ST8SIA6: variants seen among roughly 807,000 people sequenced by gnomAD.
ST8SIA6 encodes the protein alpha-2,8-sialyltransferase 8F.
A neutral mutation model predicts 33.6 loss-of-function variants in ST8SIA6; 39 were observed. That is an observed-to-expected ratio of 1.16 (90% CI 0.90 to 1.52). The LOEUF (loss-of-function observed/expected upper bound fraction) is 1.52, where lower values mean the gene tolerates loss of function less well. ST8SIA6 is among the 40% of genes most tolerant of loss of function. The probability of loss-of-function intolerance (pLI) is 0.00; values close to 1 mark genes in which losing one functional copy is unlikely to be tolerated. For synonymous variants in ST8SIA6, 172 were observed against 167.2 expected, an observed-to-expected ratio of 1.03 and a Z score of -0.22; for missense variants, 441 against 443.8, an observed-to-expected ratio of 0.99 and a Z score of 0.06.
intron 2 of ST8SIA6, among the ~76,000 whole-genome samples, chr10:17,394,266 C>G (rs909726317): frequency 6.6e-6 from 1 of 150,802 alleles, no homozygotes; most frequent in Admixed American, 6.6e-5. Context: ...TCTTGGGGAC[C>G]AAACAGGGTC....
intron 3 of ST8SIA6, among the ~76,000 whole-genome samples, chr10:17,375,533 GAA>G (rs1849885057): frequency 6.6e-6 from 1 of 152,164 alleles, no homozygotes; most frequent in Admixed American, 6.5e-5. Flanking sequence ...ACCCCATGAG[GAA>G]CATATCTTTC....
At chr10:17,429,339 T>C (rs868604053) in intron 2 of ST8SIA6, among the ~76,000 whole-genome samples, 2 of 152,036 alleles carry the variant, frequency 1.3e-5, no homozygotes, top group Non-Finnish European at 2.9e-5. Flanking sequence ...CGAGGCAGGG[T>C]GTCACTCTGT....
At chr10:17,385,845 C>T (rs117516042) in intron 3 of ST8SIA6, among the ~76,000 whole-genome samples, 3,261 of 152,186 alleles carry the variant, frequency 0.021, 52 homozygotes, top group Admixed American at 0.04. Flanking sequence ...GGCTGTGTCA[C>T]GGGCGCATTC....
At chr10:17,443,610 T>G (rs966696373) in intron 2 of ST8SIA6, among the ~76,000 whole-genome samples, 2 of 152,260 alleles carry the variant, frequency 1.3e-5, no homozygotes, top group Non-Finnish European at 2.9e-5. Flanking sequence ...CCAGAATTAA[T>G]GACTGATTAT....
chr10:17,388,586 G>C (rs191427939), intron 3 of ST8SIA6, among the ~76,000 whole-genome samples: 1 of 152,300 alleles, frequency 6.6e-6, no homozygotes, highest in East Asian at 1.9e-4. Context: ...CGCTCACTGG[G>C]TCTTCCTTGT....
chr10:17,416,432 A>G (rs182857294), intron 2 of ST8SIA6, among the ~76,000 whole-genome samples: 30 of 152,332 alleles, frequency 2.0e-4, no homozygotes, highest in African/African-American at 7.2e-4. Context: ...AGACTCATTT[A>G]TATGGTCGAA....
intron 3 of ST8SIA6, among the ~76,000 whole-genome samples, chr10:17,365,509 G>A (rs1404412936): frequency 6.6e-6 from 1 of 152,140 alleles, no homozygotes; most frequent in Non-Finnish European, 1.5e-5. Flanking sequence ...TGCTCTGAGT[G>A]AGCTATGAAA....
At chr10:17,433,272 A>C (rs368933237) in intron 2 of ST8SIA6, among the ~76,000 whole-genome samples, 1 of 152,200 alleles carries the variant, frequency 6.6e-6, no homozygotes, top group African/African-American at 2.4e-5. Context: ...TGACACATCT[A>C]TATCAAGTTG....
intron 2 of ST8SIA6, among the ~76,000 whole-genome samples, chr10:17,407,261 A>C (rs140440949): frequency 6.6e-6 from 1 of 152,184 alleles, no homozygotes; most frequent in East Asian, 1.9e-4. Context: ...ACAATTGCTT[A>C]AGTTGTCTTT....
chr10:17,352,552 G>C (rs985505220), intron 4 of ST8SIA6, among the ~76,000 whole-genome samples: 1 of 152,104 alleles, frequency 6.6e-6, no homozygotes, highest in Non-Finnish European at 1.5e-5. Flanking sequence ...GAAACACAAG[G>C]CAGGCTGAAA....
At chr10:17,322,935 T>C in intron 7 of ST8SIA6, 130 bp downstream of exon 7, 1 of 721,252 alleles carries the variant, frequency 1.4e-6, no homozygotes, top group Admixed American at 3.3e-5. Context: ...AATTCTTATA[T>C]ATTTTTCCAA....
At chr10:17,337,948 C>A (rs1449322890) in intron 4 of ST8SIA6, among the ~76,000 whole-genome samples, 1 of 152,158 alleles carries the variant, frequency 6.6e-6, no homozygotes. Flanking sequence ...TAGGCACAAG[C>A]CTTAACCTGG....
Position 17,366,903 on chromosome 10 carries a change from C to CTAATGTA in ST8SIA6, c.291-7310_291-7304dup, listed in dbSNP as rs1171069939. On this transcript the variant is annotated intron_variant, in intron 3 of 7. Transcript: ENST00000377602. The stretch of plus-strand genomic sequence containing the variant: ...AAAGGGTAAGAGAAAGAGGGTCCAA[C>CTAATGTA]TAATGTAGTCCAAGGAAGTCAGCCT... 2.0e-5 allele frequency among the ~76,000 whole-genome samples: 3 copies of CTAATGTA among 152,132 alleles called. No individual in the cohort carries two copies. The East Asian group carries it at 5.8e-4, about 29-fold the overall frequency.
chr10:17,331,612 G>C (rs570116916), intron 4 of ST8SIA6, 60 bp from the exon 5 acceptor site: 1 of 1,502,630 alleles, frequency 6.7e-7, no homozygotes, highest in South Asian at 1.3e-5. Flanking sequence ...CGAAAATGCA[G>C]ACCACGATGG....
intron 2 of ST8SIA6, among the ~76,000 whole-genome samples, chr10:17,420,343 C>T (rs1000075909): frequency 5.9e-5 from 9 of 152,080 alleles, no homozygotes; most frequent in African/African-American, 1.9e-4. Flanking sequence ...ACCCGAGAAG[C>T]GGAGCTTGCA....
intron 4 of ST8SIA6, among the ~76,000 whole-genome samples, chr10:17,354,791 T>A (rs566358884): frequency 8.3e-4 from 126 of 152,240 alleles, no homozygotes; most frequent in South Asian, 7.7e-3. Context: ...ATGTGGAAGG[T>A]TCTAGACTCT....
At chr10:17,377,628 G>A (rs189597497) in intron 3 of ST8SIA6, among the ~76,000 whole-genome samples, 10 of 152,206 alleles carry the variant, frequency 6.6e-5, no homozygotes, top group African/African-American at 2.4e-4. Context: ...TTCTCCTAAT[G>A]GCAACTGCCT....
rs199503740 is a variant in ST8SIA6, at chr10:17,425,170, AT to A, written c.200+28388del. ...AATTACAAACATATACGTATATTTTATATATATATTTATTTACATATACACA... is the reference window on the plus strand; with the variant it reads ...AATTACAAACATATACGTATATTTTAATATATATTTATTTACATATACACA... On this transcript the variant is annotated intron_variant, in intron 2 of 7. Transcript: ENST00000377602. Among the ~76,000 whole-genome samples, 809 of 152,262 alleles carry A rather than the reference AT, an allele frequency of 5.3e-3. 8 individuals carry two copies. The highest frequency in any genetic ancestry group is 0.018 in the African/African-American group (766 of 41,564).
At chr10:17,437,624 T>TCCTC (rs1158118881) in intron 2 of ST8SIA6, among the ~76,000 whole-genome samples, 3 of 114,876 alleles carry the variant, frequency 2.6e-5, no homozygotes, top group African/African-American at 1.0e-4. Flanking sequence ...CTTCCTTCCT[T>TCCTC]CCTTCCTTCC....
Sources: allele counts gnomAD v4.1 joint callset (sites outside exome capture counted in the v4.1 genomes callset), GRCh38; gene constraint gnomAD v4.1.1; transcripts MANE v1.5; gene names NCBI Gene and HGNC (gene_info 2026-07-23, HGNC 2026-07-21).